Variants in PAK1IP1 observed in about 807,000 individuals in gnomAD.
PAK1IP1 encodes the protein PAK1 interacting protein 1, also known as p21-activated protein kinase-interacting protein 1.
In PAK1IP1, 24 loss-of-function variants were observed where a neutral mutation model predicts 42.0. The observed-to-expected ratio is 0.57, with a 90% CI of 0.41 to 0.80. The LOEUF is 0.80. PAK1IP1 is among the 30% of genes least tolerant of loss of function. The pLI is 0.00. For synonymous variants in PAK1IP1, 154 were observed against 156.7 expected (o/e 0.98, Z 0.13); for missense variants, 411 against 467.9 (o/e 0.88, Z 1.12).
chr6:10,708,806 C>A, intron 8 of PAK1IP1, 147 bp from the exon 9 acceptor site: 2 of 617,940 alleles, frequency 3.2e-6, no homozygotes, highest in Non-Finnish European at 5.4e-6. Context: ...AACAGTCAAA[C>A]TAATCATGAG....
intron 5 of PAK1IP1, among the ~76,000 whole-genome samples, chr6:10,703,871 G>A (rs911780182): frequency 2.7e-4 from 41 of 152,168 alleles, no homozygotes; most frequent in Admixed American, 5.2e-4. Context: ...ATGTGTGTAT[G>A]TTACACATTT....
chr6:10,694,260 C>CAAAAAAAA (rs57435593), upstream of PAK1IP1, among the ~76,000 whole-genome samples: 48 of 62,456 alleles, frequency 7.7e-4, no homozygotes, highest in African/African-American at 2.2e-3. Context: ...AACTCCGTCT[C>CAAAAAAAA]AAAAAAAAAA....
intron 8 of PAK1IP1, among the ~76,000 whole-genome samples, 196 bp from the exon 9 acceptor site, chr6:10,708,757 C>A (rs1004084418): frequency 3.9e-5 from 6 of 152,080 alleles, no homozygotes; most frequent in South Asian, 2.1e-4. Context: ...GTTCAATTCC[C>A]ACCTATGAGT....
chr6:10,707,772 T>C (rs1321446795), intron 8 of PAK1IP1, among the ~76,000 whole-genome samples: 1 of 152,232 alleles, frequency 6.6e-6, no homozygotes, highest in Non-Finnish European at 1.5e-5. Flanking sequence ...CTCTCTTGAA[T>C]ATTGGAGTTC....
At chr6:10,702,725 G>A in intron 4 of PAK1IP1, 86 bp downstream of exon 4, 2 of 977,242 alleles carry the variant, frequency 2.0e-6, no homozygotes, top group East Asian at 2.4e-5. Flanking sequence ...TTATACAAGG[G>A]AAAGGTCAAA....
chr6:10,694,850 C>A, upstream of PAK1IP1: 1 of 637,936 alleles, frequency 1.6e-6, no homozygotes, highest in South Asian at 1.9e-5. Flanking sequence ...GACTTAAAGG[C>A]AGCCCTGGAG....
upstream of PAK1IP1, among the ~76,000 whole-genome samples, chr6:10,691,832 G>T (rs183982932): frequency 1.3e-5 from 2 of 151,994 alleles, no homozygotes; most frequent in South Asian, 2.1e-4. Flanking sequence ...CTAAGTTTTG[G>T]GGTTTTTTTT....
In PAK1IP1 at chr6:10,702,574, G is replaced by A. The variant is rs774373857; in HGVS notation, c.378G>A (p.Val126=). The A allele has an allele frequency of 6.2e-7, 1 of 1,613,942 alleles. No individual in the cohort carries two copies. The highest frequency in any genetic ancestry group is 1.7e-5 in the Admixed American group (1 of 60,024). The part of the protein sequence containing the change: ...LKSIKAHKGQ[V]TFLSIHPSGK... ...TTTGGTTTCATTATAGAGGACAGGT[G>A]ACCTTCCTTTCTATTCACCCATCTG... Residue 126 remains valine (V), a synonymous_variant, in exon 4 of 10, where the codon GTG becomes GTA. Coordinates refer to ENST00000379568, the MANE Select transcript of PAK1IP1 (RefSeq NM_017906.3).
intron 2 of PAK1IP1, among the ~76,000 whole-genome samples, chr6:10,700,382 G>T (rs1769991118): frequency 6.6e-6 from 1 of 152,150 alleles, no homozygotes; most frequent in Non-Finnish European, 1.5e-5. Flanking sequence ...TTATAATGTC[G>T]CCAGTCCTCT....
At chr6:10,700,856 C>T (rs1460809344) in intron 2 of PAK1IP1, among the ~76,000 whole-genome samples, 1 of 151,910 alleles carries the variant, frequency 6.6e-6, no homozygotes, top group Non-Finnish European at 1.5e-5. Flanking sequence ...CAGGGGTACA[C>T]ATGCAGGATG....
rs1439020039 is a variant in PAK1IP1 at position 10,709,227 on chromosome 6, T to C, written c.965-11T>C. 2 of 1,591,030 alleles carry C rather than the reference T, an allele frequency of 1.3e-6. No homozygotes were observed. The highest frequency in any genetic ancestry group is 2.2e-5 in the East Asian group (1 of 44,788). ...AGTCTTTTTTTAAAAGCACTCTCTT[T>C]TGTGTTTTAGTAAGTAAAGAACAGT... On this transcript the variant is annotated splice_polypyrimidine_tract_variant and intron_variant, in intron 9 of 9. Transcript: ENST00000379568.
At chr6:10,708,477 G>A (rs1488134803) in intron 8 of PAK1IP1, among the ~76,000 whole-genome samples, 1 of 150,942 alleles carries the variant, frequency 6.6e-6, no homozygotes, top group Non-Finnish European at 1.5e-5. Flanking sequence ...TGGATGTTAT[G>A]AATAGTGCTT....
chr6:10,705,540 C>T (rs966846004), intron 7 of PAK1IP1, among the ~76,000 whole-genome samples: 1 of 148,270 alleles, frequency 6.7e-6, no homozygotes, highest in South Asian at 2.1e-4. Context: ...TTTTTTCCTG[C>T]AGGAGAAGTG....
chr6:10,695,487 C>A (rs954404561), intron 1 of PAK1IP1, among the ~76,000 whole-genome samples: 1 of 152,014 alleles, frequency 6.6e-6, no homozygotes, highest in Non-Finnish European at 1.5e-5. Flanking sequence ...AAAGCGATAC[C>A]AATTCATTAT....
chr6:10,694,740 T>C (rs1561887881), upstream of PAK1IP1: 2 of 414,804 alleles, frequency 4.8e-6, no homozygotes, highest in East Asian at 4.2e-5. Flanking sequence ...GATTTTTTTC[T>C]CCTTGCAGTG....
intron 2 of PAK1IP1, among the ~76,000 whole-genome samples, chr6:10,701,775 A>G (rs1404021164): frequency 1.3e-5 from 2 of 152,210 alleles, no homozygotes; most frequent in East Asian, 3.8e-4. Context: ...TGCTCAAACT[A>G]TCCTAGCCAG....
At position 10,709,016 on chromosome 6, in the gene PAK1IP1, TG is replaced by T; in HGVS notation, c.906del (p.Trp302CysfsTer2). On this transcript the variant is annotated frameshift_variant, in exon 9 of 10. Transcript: ENST00000379568. LOFTEE classifies it high-confidence loss of function. ...TNARLTCLGV[W>X]LDKVADMKES... ...TGCCAGGCTGACGTGTCTTGGAGTG[TG>T]GCTAGACAAAGTGGCAGACATGAAA... is the stretch of plus-strand genomic sequence containing the variant. The T allele has an allele frequency of 6.2e-7, 1 of 1,612,532 alleles. No homozygotes were observed.
intron 8 of PAK1IP1, among the ~76,000 whole-genome samples, chr6:10,708,468 G>C (rs1770270724): frequency 6.6e-6 from 1 of 151,544 alleles, no homozygotes; most frequent in South Asian, 2.1e-4. Flanking sequence ...TCCACCTTTT[G>C]GATGTTATGA....
chr6:10,699,225 GGAAAA>G (rs1247335297), intron 2 of PAK1IP1, among the ~76,000 whole-genome samples: 2 of 150,168 alleles, frequency 1.3e-5, no homozygotes, highest in African/African-American at 2.4e-5. Flanking sequence ...AAAAAAAAGA[GGAAAA>G]GAAAAGAAAA....
Sources: gnomAD v4.1 joint callset for allele counts (sites outside exome capture counted in the v4.1 genomes callset) on GRCh38, gnomAD v4.1.1 for gene constraint, MANE v1.5 for transcripts, NCBI Gene and HGNC (gene_info 2026-07-23, HGNC 2026-07-21) for gene names.